Variants in KCTD16 observed in about 807,000 individuals in gnomAD.
KCTD16 encodes potassium channel tetramerization domain containing 16.
Under a neutral mutation model 33.2 loss-of-function variants are expected in KCTD16, and 13 were observed. The observed-to-expected ratio is 0.39, with a 90% CI of 0.25 to 0.62. The LOEUF (loss-of-function observed/expected upper bound fraction) is 0.62. Ranked by LOEUF, KCTD16 falls within the 20% of genes least tolerant of loss-of-function variation. The probability of loss-of-function intolerance (pLI) is 0.50; values close to 1 mark genes in which losing one functional copy is unlikely to be tolerated. For missense variants in KCTD16, 441 were observed against 525.1 expected (o/e 0.84, Z 1.57); for synonymous variants, 197 against 195.3 (o/e 1.01, Z -0.07).
intron 3 of KCTD16, among the ~76,000 whole-genome samples, chr5:144,266,147 T>C (rs545226436): frequency 6.6e-6 from 1 of 152,178 alleles, no homozygotes; most frequent in East Asian, 1.9e-4. Context: ...ATAATACTTT[T>C]AGGCTATGGT....
chr5:144,216,289 G>A (rs549656392), intron 3 of KCTD16, among the ~76,000 whole-genome samples: 2 of 152,230 alleles, frequency 1.3e-5, no homozygotes, highest in East Asian at 3.9e-4. Flanking sequence ...TGTGTTATGT[G>A]GCATTCAAAG....
chr5:144,326,898 T>C (rs992431748), intron 3 of KCTD16, among the ~76,000 whole-genome samples: 1 of 152,180 alleles, frequency 6.6e-6, no homozygotes, highest in Non-Finnish European at 1.5e-5. Flanking sequence ...CCCTATATTA[T>C]AACATTATGG....
Position 144,404,052 on chromosome 5 carries a change from G to A in KCTD16, c.833-69608G>A, listed in dbSNP as rs544489336. ...GGATATGCCTCTGGAAGGGTGGAGCGTAGAACTCTATTTTTAACACACAGC... is the reference window on the plus strand; with the variant it reads ...GGATATGCCTCTGGAAGGGTGGAGCATAGAACTCTATTTTTAACACACAGC... On this transcript the variant is annotated intron_variant, in intron 3 of 3. Coordinates refer to ENST00000512467, the MANE Select transcript of KCTD16 (RefSeq NM_020768.4). Among the ~76,000 whole-genome samples, 16 of 152,220 alleles carry A rather than the reference G, an allele frequency of 1.1e-4. No individual in the cohort carries two copies. In the East Asian group the frequency reaches 1.2e-3, roughly 11 times the overall value.
Position 144,478,657 on chromosome 5 carries a change from A to G in KCTD16, c.*4543A>G, listed in dbSNP as rs747213442. ...TTAATAATTTTGATGAGGATTGTCT[A>G]TAGACCTTACTTTGAAAAATTCTGC... On this transcript the variant is annotated 3_prime_UTR_variant, in exon 4 of 4. Transcript: ENST00000512467. 17 of 152,086 alleles carry G rather than the reference A, an allele frequency of 1.1e-4. 1 individual carries two copies. The highest frequency in any genetic ancestry group is 2.1e-4 in the South Asian group (1 of 4,832). The allele number at this position is 152,086 out of a possible 1,614,324, so 9.4% of individuals were successfully genotyped here.
At chr5:144,279,049 A>C (rs1012965851) in intron 3 of KCTD16, among the ~76,000 whole-genome samples, 2 of 152,194 alleles carry the variant, frequency 1.3e-5, no homozygotes, top group Admixed American at 6.5e-5. Context: ...TTTATCCCTA[A>C]GCATTTCATT....
At chr5:144,280,738 C>T (rs1040085598) in intron 3 of KCTD16, among the ~76,000 whole-genome samples, 68 of 152,326 alleles carry the variant, frequency 4.5e-4, no homozygotes, top group African/African-American at 1.6e-3. Flanking sequence ...TCCTGGCTAA[C>T]ATGGTGAAAC....
intron 3 of KCTD16, among the ~76,000 whole-genome samples, chr5:144,225,552 TTGTGTGTGTGTGTGTGTGTGTG>T (rs10550980): frequency 7.2e-6 from 1 of 138,226 alleles, no homozygotes; most frequent in Non-Finnish European, 1.6e-5. Context: ...CAAAAATAAA[TTGTGTGTGTGTGTGTGTGTGTG>T]TGTGTGTGTG....
At chr5:144,459,507 G>A (rs774008202) in intron 3 of KCTD16, among the ~76,000 whole-genome samples, 2 of 151,572 alleles carry the variant, frequency 1.3e-5, no homozygotes, top group Non-Finnish European at 2.9e-5. Context: ...GTACCAACAC[G>A]TCTCACTGAT....
intron 3 of KCTD16, among the ~76,000 whole-genome samples, chr5:144,291,294 A>G (rs1463614147): frequency 1.3e-5 from 2 of 152,058 alleles, no homozygotes. Flanking sequence ...AATTCTTACC[A>G]TGCCATTATC....
intron 3 of KCTD16, among the ~76,000 whole-genome samples, chr5:144,262,289 C>G (rs1755034830): frequency 6.6e-6 from 1 of 152,204 alleles, no homozygotes; most frequent in African/African-American, 2.4e-5. Flanking sequence ...TGGGAAAGAA[C>G]TTGGCCAAAG....
At chr5:144,244,072 G>A (rs1754482374) in intron 3 of KCTD16, among the ~76,000 whole-genome samples, 1 of 152,092 alleles carries the variant, frequency 6.6e-6, no homozygotes, top group Non-Finnish European at 1.5e-5. Context: ...TTTATGGCAT[G>A]TAACTCTTTG....
intron 3 of KCTD16, among the ~76,000 whole-genome samples, chr5:144,256,327 A>G (rs1754846669): frequency 6.6e-6 from 1 of 152,210 alleles, no homozygotes; most frequent in Admixed American, 6.5e-5. Context: ...AAATTCTTCC[A>G]CTACTATAAA....
At chr5:144,191,424 A>G (rs1408823462) in intron 2 of KCTD16, among the ~76,000 whole-genome samples, 2 of 152,118 alleles carry the variant, frequency 1.3e-5, no homozygotes, top group Admixed American at 6.5e-5. Flanking sequence ...TCTTTTCCCA[A>G]CTGCTGCTCC....
chr5:144,244,427 G>A (rs116390277), intron 3 of KCTD16, among the ~76,000 whole-genome samples: 1 of 152,172 alleles, frequency 6.6e-6, no homozygotes, highest in African/African-American at 2.4e-5. Flanking sequence ...AAGTCTATTT[G>A]CAGTTGGCTG....
At chr5:144,255,483 C>T (rs1223500704) in intron 3 of KCTD16, among the ~76,000 whole-genome samples, 2 of 152,178 alleles carry the variant, frequency 1.3e-5, no homozygotes, top group Non-Finnish European at 2.9e-5. Context: ...CACATCCTTG[C>T]CAACACTTAT....
At position 144,206,595 on chromosome 5, in the gene KCTD16, G is replaced by C. The variant is rs1045373860; in HGVS notation, c.-120G>C. On this transcript the variant is annotated 5_prime_UTR_variant, in exon 3 of 4. Coordinates refer to ENST00000512467, the MANE Select transcript of KCTD16 (RefSeq NM_020768.4). ...GGGAAAAATACTGGGATAAGAGGAGGTCATTTTTTAATAAGTTAGCATCCT... is the reference window on the plus strand; with the variant it reads ...GGGAAAAATACTGGGATAAGAGGAGCTCATTTTTTAATAAGTTAGCATCCT... 2 of 824,808 alleles carry C rather than the reference G, an allele frequency of 2.4e-6. No individual in the cohort carries two copies. Among genetic ancestry groups the C allele is most frequent in the Non-Finnish European group, 3.8e-6 (2 of 523,552 alleles). The allele number at this position is 824,808 out of a possible 1,614,324, so 51.1% of individuals were successfully genotyped here.
intron 3 of KCTD16, among the ~76,000 whole-genome samples, chr5:144,231,903 G>C (rs541354821): frequency 6.6e-6 from 1 of 152,052 alleles, no homozygotes; most frequent in African/African-American, 2.4e-5. Flanking sequence ...TATTAGCAGC[G>C]TGAGAACAGA....
chr5:144,246,289 A>G (rs917925731), intron 3 of KCTD16, among the ~76,000 whole-genome samples: 1 of 152,288 alleles, frequency 6.6e-6, no homozygotes, highest in Admixed American at 6.5e-5. Context: ...AGCACTGAAT[A>G]TAATTCCAGG....
At chr5:144,375,809 C>T (rs1752078328) in intron 3 of KCTD16, among the ~76,000 whole-genome samples, 1 of 151,634 alleles carries the variant, frequency 6.6e-6, no homozygotes, top group South Asian at 2.1e-4. Context: ...TCCCTGCCTC[C>T]CTTCCTTCCT....
Sources: allele counts gnomAD v4.1 joint callset (sites outside exome capture counted in the v4.1 genomes callset), GRCh38; gene constraint gnomAD v4.1.1; transcripts MANE v1.5; gene names NCBI Gene and HGNC (gene_info 2026-07-23, HGNC 2026-07-21).